The following SNX13 variants were observed in gnomAD, a reference collection of about 807,000 sequenced individuals.
SNX13 encodes the protein sorting nexin 13.
In SNX13, 45 loss-of-function variants were observed where a neutral mutation model predicts 133.6. The observed-to-expected ratio is 0.34, with a 90% CI of 0.27 to 0.43. SNX13 has a LOEUF of 0.43. Ranked by LOEUF, SNX13 falls within the 20% of genes least tolerant of loss-of-function variation. The pLI is 1.00. For missense variants in SNX13, 1,032 were observed against 1,145.1 expected (o/e 0.90, Z 1.43); for synonymous variants, 414 against 373.9 (o/e 1.11, Z -1.24).
At chr7:17,876,064 T>A (rs935500363) in intron 5 of SNX13, among the ~76,000 whole-genome samples, 5 of 152,196 alleles carry the variant, frequency 3.3e-5, no homozygotes, top group Non-Finnish European at 5.9e-5. Flanking sequence ...AGAAATTAAT[T>A]TTTTCCAGTT....
chr7:17,853,970 A>G (rs1791566534), intron 9 of SNX13, among the ~76,000 whole-genome samples: 2 of 152,076 alleles, frequency 1.3e-5, no homozygotes, highest in Admixed American at 1.3e-4. Context: ...AAAAAAAAGA[A>G]AAAAGAAAAG....
At chr7:17,927,217 A>C (rs189836371) in intron 1 of SNX13, among the ~76,000 whole-genome samples, 1 of 149,776 alleles carries the variant, frequency 6.7e-6, no homozygotes, top group African/African-American at 2.4e-5. Context: ...TATAATATAT[A>C]TGTGTGCATG....
intron 17 of SNX13, 80 bp from the exon 18 acceptor site, chr7:17,821,728 G>A (rs1166252295): frequency 8.8e-6 from 13 of 1,474,036 alleles, no homozygotes; most frequent in African/African-American, 2.8e-5. Flanking sequence ...CACAAAAAAG[G>A]AGGAAGATGA....
intron 8 of SNX13, among the ~76,000 whole-genome samples, chr7:17,869,999 T>C (rs1793886431): frequency 6.6e-6 from 1 of 152,152 alleles, no homozygotes; most frequent in Admixed American, 6.5e-5. Flanking sequence ...AATGAGTCGA[T>C]TTGTATTAGA....
intron 9 of SNX13, among the ~76,000 whole-genome samples, chr7:17,855,763 G>C (rs1004470681): frequency 2.0e-5 from 3 of 152,200 alleles, no homozygotes; most frequent in Non-Finnish European, 4.4e-5. Context: ...TATCAATGTT[G>C]TTTTCATGCC....
chr7:17,866,791 T>C (rs1473151788), intron 9 of SNX13, among the ~76,000 whole-genome samples: 1 of 152,188 alleles, frequency 6.6e-6, no homozygotes, highest in Non-Finnish European at 1.5e-5. Flanking sequence ...TACCATTCAG[T>C]AGCACAACAG....
intron 11 of SNX13, among the ~76,000 whole-genome samples, chr7:17,846,081 C>T (rs1473305341): frequency 6.6e-6 from 1 of 152,170 alleles, no homozygotes; most frequent in Non-Finnish European, 1.5e-5. Flanking sequence ...TGTATAAAGT[C>T]TATTTACTAC....
chr7:17,896,282 T>A (rs1443226508), intron 2 of SNX13, among the ~76,000 whole-genome samples: 1 of 152,162 alleles, frequency 6.6e-6, no homozygotes. Flanking sequence ...GCCATAGATA[T>A]GAAAATACTA....
chr7:17,805,250 T>TGTGTGTGTGTGTGTGTGTGTGC lies in SNX13; in HGVS notation c.2065-1671_2065-1670insGCACACACACACACACACACAC. On this transcript the variant is annotated intron_variant, in intron 20 of 25. Transcript: ENST00000428135. ...GTGTGTGTGTGTGTGTGTGTGTGTG[T>TGTGTGTGTGTGTGTGTGTGTGC]GCGTGCGCGCGCGCGCATGCATGCA... 3.6e-4 allele frequency among the ~76,000 whole-genome samples: 34 copies of TGTGTGTGTGTGTGTGTGTGTGC among 95,594 alleles called. 1 individual carries two copies. Among genetic ancestry groups the TGTGTGTGTGTGTGTGTGTGTGC allele is most frequent in the African/African-American group, 9.1e-4 (29 of 31,866 alleles). The allele number at this position is 95,594 out of a possible 152,430, so 62.7% of individuals were successfully genotyped here.
At chr7:17,844,217 C>T (rs1201385034) in intron 12 of SNX13, among the ~76,000 whole-genome samples, 6 of 151,760 alleles carry the variant, frequency 4.0e-5, no homozygotes, top group Admixed American at 1.3e-4. Flanking sequence ...TTACTAAAAT[C>T]GGAAGTGAAA....
chr7:17,933,586 G>C (rs890967749), intron 1 of SNX13, among the ~76,000 whole-genome samples: 1 of 150,582 alleles, frequency 6.6e-6, no homozygotes, highest in Non-Finnish European at 1.5e-5. Context: ...GGCATTCATT[G>C]AAATCGGTTT....
chr7:17,844,374 G>C (rs1345320767), intron 12 of SNX13, among the ~76,000 whole-genome samples: 1 of 151,916 alleles, frequency 6.6e-6, no homozygotes, highest in African/African-American at 2.4e-5. Context: ...AAAATCTGAG[G>C]AGACTGATAA....
intron 1 of SNX13, among the ~76,000 whole-genome samples, chr7:17,921,333 C>G (rs1398386684): frequency 6.6e-6 from 1 of 152,152 alleles, no homozygotes; most frequent in Non-Finnish European, 1.5e-5. Flanking sequence ...TCGATTCTCT[C>G]CTACACTCTG....
At chr7:17,815,694 C>T (rs1041556903) in intron 19 of SNX13, among the ~76,000 whole-genome samples, 1 of 152,192 alleles carries the variant, frequency 6.6e-6, no homozygotes, top group Non-Finnish European at 1.5e-5. Context: ...ACTGCTTTCA[C>T]AACTGCTAAT....
intron 18 of SNX13, 108 bp downstream of exon 18, chr7:17,821,401 C>T (rs933022303): frequency 1.8e-6 from 2 of 1,101,238 alleles, no homozygotes; most frequent in Admixed American, 2.4e-5. Context: ...ACCAAAAATT[C>T]TTACCTTATT....
At chr7:17,867,309 A>G (rs1466809793) in intron 9 of SNX13, among the ~76,000 whole-genome samples, 2 of 152,148 alleles carry the variant, frequency 1.3e-5, no homozygotes, top group African/African-American at 4.8e-5. Context: ...TGCAACAACA[A>G]AAATAAAACA....
chr7:17,810,245 G>C (rs1167111130), intron 20 of SNX13, among the ~76,000 whole-genome samples: 3 of 152,058 alleles, frequency 2.0e-5, no homozygotes, highest in Admixed American at 6.6e-5. Flanking sequence ...AAGAAGAAAA[G>C]AGAAGAATCA....
chr7:17,815,905 C>T (rs1371637588), intron 19 of SNX13, among the ~76,000 whole-genome samples: 3 of 152,092 alleles, frequency 2.0e-5, no homozygotes, highest in African/African-American at 7.2e-5. Flanking sequence ...AATGTTTGAG[C>T]CAGGAGAAGA....
chr7:17,826,979 T>A (rs776701287), intron 16 of SNX13, among the ~76,000 whole-genome samples: 144 of 152,106 alleles, frequency 9.5e-4, no homozygotes, highest in Non-Finnish European at 1.8e-3. Context: ...CTCTAATCAA[T>A]AAGAGTGGTT....
Sources: gnomAD v4.1 joint callset for allele counts (sites outside exome capture counted in the v4.1 genomes callset) on GRCh38, gnomAD v4.1.1 for gene constraint, MANE v1.5 for transcripts, NCBI Gene and HGNC (gene_info 2026-07-23, HGNC 2026-07-21) for gene names.